NFAM1: variants seen among roughly 807,000 people sequenced by gnomAD.
NFAM1 encodes NFAT activating protein with ITAM motif 1.
In NFAM1, 17 loss-of-function variants were observed where a neutral mutation model predicts 29.0. That is an observed-to-expected ratio of 0.59 (90% CI 0.40 to 0.88). The LOEUF is 0.88. Ranked by LOEUF, NFAM1 falls within the 40% of genes least tolerant of loss-of-function variation. NFAM1 has a pLI of 0.00. For synonymous variants in NFAM1, 175 were observed against 147.2 expected (o/e 1.19, Z -1.36); for missense variants, 324 against 344.6 (o/e 0.94, Z 0.47).
chr22:42,385,585 C>T (rs1929110354), intron 5 of NFAM1, among the ~76,000 whole-genome samples: 1 of 152,074 alleles, frequency 6.6e-6, no homozygotes, highest in Non-Finnish European at 1.5e-5. Context: ...TCCCAGGGAC[C>T]CCCTCCCTCC....
chr22:42,405,944 G>A (rs1295547825), intron 3 of NFAM1, among the ~76,000 whole-genome samples: 1 of 152,118 alleles, frequency 6.6e-6, no homozygotes, highest in Admixed American at 6.5e-5. Flanking sequence ...GGCTCCCGGG[G>A]GTGAAAGGCG....
chr22:42,404,275 C>T (rs1027776859), intron 3 of NFAM1, among the ~76,000 whole-genome samples: 8 of 152,242 alleles, frequency 5.3e-5, no homozygotes, highest in African/African-American at 1.9e-4. Context: ...AAGCTGCCAA[C>T]CGCGGTTCGG....
chr22:42,415,362 C>T (rs534139679), intron 1 of NFAM1, among the ~76,000 whole-genome samples: 49 of 146,446 alleles, frequency 3.3e-4, no homozygotes, highest in African/African-American at 1.0e-3. Context: ...TGCGATGGCG[C>T]GATCTCAGCT....
At position 42,409,802 on chromosome 22, in the gene NFAM1, C is replaced by T. The variant is rs1930021863; in HGVS notation, c.452-255G>A. Among the ~76,000 whole-genome samples, 1 of 152,222 alleles carries T rather than the reference C, an allele frequency of 6.6e-6. No homozygotes were observed. Among genetic ancestry groups the T allele is most frequent in the South Asian group, 2.1e-4 (1 of 4,832 alleles). On this transcript the variant is annotated intron_variant, in intron 2 of 5. Coordinates refer to ENST00000329021, the MANE Select transcript of NFAM1 (RefSeq NM_145912.8). The surrounding 1 kb of genome is among the most constrained non-coding windows in gnomAD (Gnocchi z 4.9). Reference sequence around the variant, plus strand: ...CGGTGCCCCTGCCCCCGTGACCTGGCTCCCCTGTGGGCTGCTTGTAGGGCC... The same window carrying T: ...CGGTGCCCCTGCCCCCGTGACCTGGTTCCCCTGTGGGCTGCTTGTAGGGCC...
chr22:42,414,571 A>T (rs537855690), intron 1 of NFAM1, among the ~76,000 whole-genome samples: 370 of 150,520 alleles, frequency 2.5e-3, no homozygotes, highest in Middle Eastern at 0.01. Flanking sequence ...TTTTTTTTTT[A>T]AATTAAAAAA....
chr22:42,386,396 A>AACAAAC (rs1555968133), intron 5 of NFAM1, among the ~76,000 whole-genome samples: 2 of 125,292 alleles, frequency 1.6e-5, no homozygotes, highest in African/African-American at 5.8e-5. Context: ...AAAACAAACA[A>AACAAAC]ACACACACAC....
intron 1 of NFAM1, among the ~76,000 whole-genome samples, chr22:42,421,899 T>C (rs1030751464): frequency 7.0e-6 from 1 of 141,866 alleles, no homozygotes; most frequent in Non-Finnish European, 1.5e-5. Flanking sequence ...CCCAGCCATG[T>C]GCCTGAGCAC....
rs1400675220 is a variant in NFAM1, at chr22:42,420,151, C to T, written c.122-8415G>A. Among the ~76,000 whole-genome samples the T allele has an allele frequency of 2.6e-5, 4 of 151,832 alleles. No individual in the cohort carries two copies. In the East Asian group the frequency reaches 7.7e-4, roughly 29 times the overall value. ...TCAGCTTCCCAAGTTGCTAGGATTA[C>T]AGGCATGCGCCACCTCGCCTGGCTA... On this transcript the variant is annotated intron_variant, in intron 1 of 5. Coordinates refer to ENST00000329021, the MANE Select transcript of NFAM1 (RefSeq NM_145912.8).
chr22:42,414,459 G>A (rs1450886352), intron 1 of NFAM1, among the ~76,000 whole-genome samples: 1 of 152,066 alleles, frequency 6.6e-6, no homozygotes, highest in African/African-American at 2.4e-5. Flanking sequence ...GACCCAGGTG[G>A]GCTGGGATGG....
intron 1 of NFAM1, among the ~76,000 whole-genome samples, chr22:42,420,179 T>A (rs1930401560): frequency 6.6e-6 from 1 of 151,870 alleles, no homozygotes; most frequent in African/African-American, 2.4e-5. Flanking sequence ...CCTGGCTAAT[T>A]TTGTATTTTT....
chr22:42,435,617 G>A (rs993963427), upstream of NFAM1, among the ~76,000 whole-genome samples: 11 of 151,994 alleles, frequency 7.2e-5, no homozygotes, highest in African/African-American at 1.4e-4. Flanking sequence ...AAAGTGCTGC[G>A]ATTATAGGTG....
At chr22:42,429,042 A>G (rs1930714459) in intron 1 of NFAM1, among the ~76,000 whole-genome samples, 1 of 152,202 alleles carries the variant, frequency 6.6e-6, no homozygotes, top group Admixed American at 6.5e-5. Context: ...GACAGGCCCA[A>G]GTCCCGGCTC....
At chr22:42,393,371 G>A (rs960073917) in intron 4 of NFAM1, among the ~76,000 whole-genome samples, 1 of 151,440 alleles carries the variant, frequency 6.6e-6, no homozygotes, top group African/African-American at 2.4e-5. Flanking sequence ...GCCACATAGT[G>A]AGAACTCATG....
rs1482705571 is a variant in NFAM1 at position 42,381,141 on chromosome 22, C to T, written c.*4020G>A. On this transcript the variant is annotated 3_prime_UTR_variant, in exon 6 of 6. Coordinates refer to ENST00000329021, the MANE Select transcript of NFAM1 (RefSeq NM_145912.8). ...CCATGGGCCCTCTGCTAGGGTGGCA[C>T]CAGACTTCCCTGGTCCCACAGGACA... 6.5e-6 allele frequency: 1 copy of T among 152,690 alleles called. No homozygotes were observed. Among genetic ancestry groups the T allele is most frequent in the Non-Finnish European group, 1.5e-5 (1 of 68,050 alleles). 9.5% of individuals were successfully genotyped at this position (152,690 alleles called of 1,614,324 possible). A position where few individuals can be genotyped will look rare whatever the true frequency, so the allele number is the denominator to read the frequency against.
At position 42,385,070 on chromosome 22, in the gene NFAM1, C is replaced by T; in HGVS notation, c.*91G>A. The T allele has an allele frequency of 1.1e-6, 1 of 926,450 alleles. No individual in the cohort carries two copies. Among genetic ancestry groups the T allele is most frequent in the Non-Finnish European group, 1.8e-6 (1 of 555,586 alleles). The allele number at this position is 926,450 out of a possible 1,614,324, so 57.4% of individuals were successfully genotyped here. ...TGAAATGATGGGGTGTCCCTGGGGGCCTTACTCCCAACTCAGATCAAGTCC... is the reference window on the plus strand; with the variant it reads ...TGAAATGATGGGGTGTCCCTGGGGGTCTTACTCCCAACTCAGATCAAGTCC... On this transcript the variant is annotated 3_prime_UTR_variant, in exon 6 of 6. Coordinates refer to ENST00000329021, the MANE Select transcript of NFAM1 (RefSeq NM_145912.8).
intron 2 of NFAM1, among the ~76,000 whole-genome samples, chr22:42,411,019 CT>C (rs138369373): frequency 7.6e-4 from 93 of 121,756 alleles, no homozygotes; most frequent in East Asian, 7.4e-3. Context: ...CTTTTCTTTT[CT>C]TTTTTTTTTT....
intron 1 of NFAM1, 126 bp from the exon 2 acceptor site, chr22:42,411,862 C>A (rs1352601850): frequency 6.1e-6 from 4 of 657,422 alleles, no homozygotes; most frequent in Admixed American, 2.4e-5. Context: ...CTTTGGGAGG[C>A]CGAGGCAGGC....
chr22:42,424,085 G>A (rs1369480501), intron 1 of NFAM1, among the ~76,000 whole-genome samples: 1 of 151,622 alleles, frequency 6.6e-6, no homozygotes, highest in Non-Finnish European at 1.5e-5. Flanking sequence ...ACAGATGTGA[G>A]CCATCACACT....
chr22:42,399,454 AAAAAAAAAAG>A (rs1040231139), intron 3 of NFAM1, among the ~76,000 whole-genome samples: 2 of 148,338 alleles, frequency 1.3e-5, no homozygotes, highest in Non-Finnish European at 3.0e-5. Context: ...CTCAAAAAAA[AAAAAAAAAAG>A]AAAGAAAGAA....
Sources: allele counts gnomAD v4.1 joint callset (sites outside exome capture counted in the v4.1 genomes callset), GRCh38; gene constraint gnomAD v4.1.1; non-coding constraint Gnocchi (gnomAD v3.1); transcripts MANE v1.5; gene names NCBI Gene and HGNC (gene_info 2026-07-23, HGNC 2026-07-21).